Variants in PDK1 observed in about 807,000 individuals in gnomAD.
PDK1 encodes [Pyruvate dehydrogenase (acetyl-transferring)] kinase isozyme 1, mitochondrial.
PDK1 carries 39 observed loss-of-function variants against 54.2 expected under a neutral mutation model. The ratio of observed to expected loss-of-function variants is 0.72; its 90% CI spans 0.56 to 0.94. PDK1 has a LOEUF of 0.94. PDK1 is among the 40% of genes least tolerant of loss of function. PDK1 has a pLI of 0.00. For synonymous variants in PDK1, 221 were observed against 207.1 expected, an observed-to-expected ratio of 1.07 and a Z score of -0.58; for missense variants, 552 against 566.0, an observed-to-expected ratio of 0.98 and a Z score of 0.25.
the PDK1 span, among the ~76,000 whole-genome samples, chr2:172,721,453 T>C: frequency 6.6e-6 from 1 of 152,124 alleles, no homozygotes; most frequent in Non-Finnish European, 1.5e-5. Flanking sequence ...CAATTCTGCC[T>C]CACTCTCCCA....
chr2:172,574,532 C>A (rs1689473583), intron 8 of PDK1, among the ~76,000 whole-genome samples: 1 of 152,164 alleles, frequency 6.6e-6, no homozygotes. Flanking sequence ...ATTAACTCTT[C>A]TAATTCATGA....
intron 6 of PDK1, among the ~76,000 whole-genome samples, chr2:172,567,254 A>G (rs1017049715): frequency 2.0e-5 from 3 of 152,214 alleles, no homozygotes; most frequent in Admixed American, 1.3e-4. Flanking sequence ...CATGCACTTC[A>G]CTAATGTAAG....
the PDK1 span, among the ~76,000 whole-genome samples, chr2:172,701,640 TTTG>T: frequency 0.012 from 1,090 of 87,662 alleles, 2 homozygotes; most frequent in African/African-American, 0.021. Context: ...TGTTTTTTTT[TTTG>T]TTTTGTTTTT....
the PDK1 span, among the ~76,000 whole-genome samples, chr2:172,703,993 C>T: frequency 6.6e-6 from 1 of 151,818 alleles, no homozygotes; most frequent in East Asian, 1.9e-4. Context: ...AGGCTGGTCT[C>T]GAACTCCTGA....
At chr2:172,659,432 G>A in the PDK1 span, among the ~76,000 whole-genome samples, 1 of 152,058 alleles carries the variant, frequency 6.6e-6, no homozygotes, top group Non-Finnish European at 1.5e-5. Context: ...GCATCTTTGG[G>A]TCTTCATTTT....
At chr2:172,656,467 G>A in the PDK1 span, among the ~76,000 whole-genome samples, 7 of 152,170 alleles carry the variant, frequency 4.6e-5, no homozygotes, top group Non-Finnish European at 1.0e-4. Flanking sequence ...TCCCTTAGAG[G>A]AGCCTAGAGG....
At chr2:172,577,688 T>A (rs1321230310) in intron 8 of PDK1, among the ~76,000 whole-genome samples, 1 of 152,164 alleles carries the variant, frequency 6.6e-6, no homozygotes, top group Non-Finnish European at 1.5e-5. Flanking sequence ...CTTTCAATAG[T>A]ATACACTGAC....
At chr2:172,594,267 C>T (rs186761818) in intron 10 of PDK1, among the ~76,000 whole-genome samples, 145 of 152,192 alleles carry the variant, frequency 9.5e-4, no homozygotes, top group African/African-American at 3.3e-3. Context: ...TCAGGTGATC[C>T]GCTTGCCTTG....
chr2:172,594,259 A>G lies in PDK1; in HGVS notation c.1170+1211A>G, dbSNP rs965403072. On this transcript the variant is annotated intron_variant, in intron 10 of 10. Coordinates refer to ENST00000282077, the MANE Select transcript of PDK1 (RefSeq NM_002610.5). ...AGGCTGATCTCGAACTCCTGACCTC[A>G]GGTGATCCGCTTGCCTTGGCCTCCC... Among the ~76,000 whole-genome samples, 4 of 152,138 alleles carry G rather than the reference A, an allele frequency of 2.6e-5. No individual in the cohort carries two copies. In the East Asian group the frequency reaches 7.7e-4, roughly 29 times the overall value.
At chr2:172,657,468 TGTGG>T in the PDK1 span, among the ~76,000 whole-genome samples, 1 of 151,060 alleles carries the variant, frequency 6.6e-6, no homozygotes, top group African/African-American at 2.4e-5. Flanking sequence ...TTTTTTAACT[TGTGG>T]TTTTTATTAT....
At chr2:172,566,783 C>T (rs1460338025) in intron 5 of PDK1, 73 bp from the exon 6 acceptor site, 3 of 879,008 alleles carry the variant, frequency 3.4e-6, no homozygotes, top group Non-Finnish European at 5.5e-6. Context: ...TTGTCAATAC[C>T]ATTGCCATCT....
the PDK1 span, among the ~76,000 whole-genome samples, chr2:172,660,183 G>T: frequency 1.4e-5 from 2 of 144,788 alleles, no homozygotes; most frequent in Admixed American, 1.4e-4. Context: ...GATTAAAGGG[G>T]ATGGTTTGTA....
At chr2:172,641,021 T>TC in the PDK1 span, among the ~76,000 whole-genome samples, 1 of 4,920 alleles carries the variant, frequency 2.0e-4, no homozygotes, top group African/African-American at 2.2e-4. Context: ...TTTCTTTCTT[T>TC]TCTTTTTCTT....
downstream of PDK1, among the ~76,000 whole-genome samples, chr2:172,612,475 T>C (rs547139761): frequency 1.3e-5 from 2 of 148,802 alleles, no homozygotes; most frequent in East Asian, 3.9e-4. Flanking sequence ...AGAAGGTTTG[T>C]TTTTTTTTTA....
the PDK1 span, among the ~76,000 whole-genome samples, chr2:172,623,376 T>C: frequency 6.6e-6 from 1 of 152,070 alleles, no homozygotes; most frequent in Non-Finnish European, 1.5e-5. Context: ...TCCTAGAAAA[T>C]GCAAGTGCTA....
At position 172,607,972 on chromosome 2, in the gene PDK1, A is replaced by G. The variant is rs1558967804; in HGVS notation, c.*12003A>G. ...GTTAGACTGTAGTTATCCAAGCAGTATCAGATAGTGTGCAGTTTTTGTAGT... is the reference window on the plus strand; with the variant it reads ...GTTAGACTGTAGTTATCCAAGCAGTGTCAGATAGTGTGCAGTTTTTGTAGT... On this transcript the variant is annotated 3_prime_UTR_variant, in exon 11 of 11. Coordinates refer to ENST00000282077, the MANE Select transcript of PDK1 (RefSeq NM_002610.5). The G allele has an allele frequency of 6.6e-6, 1 of 152,246 alleles. No individual in the cohort carries two copies. The highest frequency in any genetic ancestry group is 1.5e-5 in the Non-Finnish European group (1 of 68,046). 9.4% of individuals were successfully genotyped at this position (152,246 alleles called of 1,614,324 possible).
At chr2:172,562,628 TATC>T (rs1688717909) in intron 3 of PDK1, 1 of 689,922 alleles carries the variant, frequency 1.4e-6, no homozygotes, top group Non-Finnish European at 2.5e-6. Flanking sequence ...ATACTGCCCA[TATC>T]ATCTGATTGT....
the PDK1 span, among the ~76,000 whole-genome samples, chr2:172,660,895 C>T: frequency 2.6e-5 from 4 of 152,050 alleles, no homozygotes; most frequent in African/African-American, 9.7e-5. Flanking sequence ...CTGGACTTAC[C>T]TGTCTGGCAA....
the PDK1 span, among the ~76,000 whole-genome samples, chr2:172,682,805 G>A: frequency 6.6e-6 from 1 of 152,220 alleles, no homozygotes; most frequent in Non-Finnish European, 1.5e-5. Context: ...GGAGGCTGTT[G>A]TAATAGTCTA....
Sources: gnomAD v4.1 joint callset for allele counts (sites outside exome capture counted in the v4.1 genomes callset) on GRCh38, gnomAD v4.1.1 for gene constraint, MANE v1.5 for transcripts, NCBI Gene and HGNC (gene_info 2026-07-23, HGNC 2026-07-21) for gene names.